The following LRP1B variants were observed in gnomAD, a reference collection of about 807,000 sequenced individuals.
The protein encoded by LRP1B is low-density lipoprotein receptor-related protein 1B.
In LRP1B, 217 loss-of-function variants were observed where a neutral mutation model predicts 556.6. The ratio of observed to expected loss-of-function variants is 0.39; its 90% CI spans 0.35 to 0.44. The LOEUF is 0.44. LRP1B is among the 20% of genes least tolerant of loss of function. The probability of loss-of-function intolerance (pLI) is 1.00; values close to 1 mark genes in which losing one functional copy is unlikely to be tolerated. For missense variants in LRP1B, 5,053 were observed against 5,620.8 expected, an observed-to-expected ratio of 0.90 and a Z score of 3.23; for synonymous variants, 2,047 against 1,865.8, an observed-to-expected ratio of 1.10 and a Z score of -2.50.
chr2:141,426,295 C>A (rs1180212634), intron 3 of LRP1B, among the ~76,000 whole-genome samples: 1 of 151,784 alleles, frequency 6.6e-6, no homozygotes, highest in African/African-American at 2.4e-5. Flanking sequence ...TGTTTTGGTA[C>A]CAGTACCATG....
chr2:140,247,174 C>T lies in LRP1B; in HGVS notation c.13248-12G>A. On this transcript the variant is annotated splice_polypyrimidine_tract_variant and intron_variant, in intron 86 of 90. Transcript: ENST00000389484. ...AGTTGGTGGAGCATCTAAAAATATCCAAACAACAAACAAAACAGATCAGCG... is the reference window on the plus strand; with the variant it reads ...AGTTGGTGGAGCATCTAAAAATATCTAAACAACAAACAAAACAGATCAGCG... 1 of 1,586,302 alleles carries T rather than the reference C, an allele frequency of 6.3e-7. No homozygotes were observed.
chr2:140,707,350 C>T (rs575376556), intron 37 of LRP1B, among the ~76,000 whole-genome samples: 11 of 152,178 alleles, frequency 7.2e-5, no homozygotes, highest in East Asian at 3.9e-4. Context: ...GTCATTGTGT[C>T]GTCTCCTAGC....
In LRP1B at chr2:140,526,324, G is replaced by A. The variant is rs770024168; in HGVS notation, c.7789C>T (p.Arg2597Cys). The A allele has an allele frequency of 8.7e-6, 14 of 1,611,444 alleles. No homozygotes were observed. Among genetic ancestry groups the A allele is most frequent in the African/African-American group, 5.4e-5 (4 of 74,742 alleles). ...GGAATACAAGTCCCATCTGCACAGC[G>A]GAACTCAACCGTGGCACAGGTTGAA... ...KVSTCATVEF[R>C]CADGTCIPRS... Residue 2597 changes from arginine (R) to cysteine (C), a missense_variant, in exon 48 of 91, where the codon CGC (arginine) becomes TGC (cysteine). By Grantham distance (180) the Arg-to-Cys change is radical (BLOSUM62 -3). Coordinates refer to ENST00000389484, the MANE Select transcript of LRP1B (RefSeq NM_018557.3).
At chr2:141,177,044 C>T (rs1680767158) in intron 7 of LRP1B, among the ~76,000 whole-genome samples, 1 of 152,016 alleles carries the variant, frequency 6.6e-6, no homozygotes, top group Non-Finnish European at 1.5e-5. Context: ...CAATATATGA[C>T]TCAGTGACTA....
intron 2 of LRP1B, among the ~76,000 whole-genome samples, chr2:141,606,255 T>G (rs1278540458): frequency 7.2e-5 from 11 of 152,322 alleles, no homozygotes; most frequent in Non-Finnish European, 4.4e-5. Context: ...TTTATCAGAT[T>G]GAACACTGAA....
chr2:141,614,631 A>T (rs1407089504), intron 2 of LRP1B, among the ~76,000 whole-genome samples: 2 of 152,204 alleles, frequency 1.3e-5, no homozygotes, highest in East Asian at 3.9e-4. Context: ...GTAGAATGCC[A>T]TGTGTAGACC....
intron 3 of LRP1B, among the ~76,000 whole-genome samples, chr2:141,255,843 T>C (rs752714236): frequency 1.3e-5 from 2 of 151,808 alleles, no homozygotes; most frequent in Non-Finnish European, 2.9e-5. Context: ...AAAAATCCCA[T>C]CCCCTCTCAC....
chr2:141,097,085 T>C (rs1370743378), intron 7 of LRP1B, among the ~76,000 whole-genome samples: 1 of 152,220 alleles, frequency 6.6e-6, no homozygotes, highest in Admixed American at 6.5e-5. Flanking sequence ...ACTGTGGCTC[T>C]TAATAAATGT....
chr2:140,467,225 A>G (rs1573971287), intron 60 of LRP1B, among the ~76,000 whole-genome samples: 1 of 152,148 alleles, frequency 6.6e-6, no homozygotes, highest in Non-Finnish European at 1.5e-5. Context: ...AAACTCTAAT[A>G]TGCAACTATC....
intron 2 of LRP1B, among the ~76,000 whole-genome samples, chr2:141,563,287 G>T (rs903282241): frequency 3.3e-5 from 5 of 152,026 alleles, no homozygotes; most frequent in Non-Finnish European, 5.9e-5. Context: ...AGATTTGGAA[G>T]AAGTAAGCAC....
At chr2:140,280,179 C>T (rs1028678367) in intron 84 of LRP1B, among the ~76,000 whole-genome samples, 2 of 151,788 alleles carry the variant, frequency 1.3e-5, no homozygotes, top group Admixed American at 6.6e-5. Context: ...TACAGATACA[C>T]AACCACTCAA....
Position 140,322,062 on chromosome 2 carries a change from A to G in LRP1B, c.12541T>C (p.Cys4181Arg). The G allele has an allele frequency of 6.2e-7, 1 of 1,613,128 alleles. No individual in the cohort carries two copies. The highest frequency in any genetic ancestry group is 8.5e-7 in the Non-Finnish European group (1 of 1,179,460). The change falls in exon 82 of 91, where the codon TGC becomes CGC. Residue 4181 changes from cysteine to arginine, a missense_variant. Physicochemically the swap from Cys to Arg is radical, Grantham distance 180. Transcript: ENST00000389484. ...GGATTTAGCAAGCAAAGAAATTCGC[A>G]TGCTAAATCCAAGCATGGATTGGGT... ...DLPNPCLDLA[C>R]EFLCLLNPSG...
intron 66 of LRP1B, among the ~76,000 whole-genome samples, chr2:140,442,039 C>G (rs1034892126): frequency 6.6e-6 from 1 of 151,918 alleles, no homozygotes; most frequent in Non-Finnish European, 1.5e-5. Context: ...CTGTCATCTA[C>G]TAATATGGAA....
At position 140,775,953 on chromosome 2, in the gene LRP1B, T is replaced by C. The variant is rs1002504844; in HGVS notation, c.5500+145A>G. 6 of 632,346 alleles carry C rather than the reference T, an allele frequency of 9.5e-6. No homozygotes were observed. In the African/African-American group the frequency reaches 9.7e-5, roughly 10 times the overall value. The allele number at this position is 632,346 out of a possible 1,614,324, so 39.2% of individuals were successfully genotyped here. On this transcript the variant is annotated intron_variant, in intron 33 of 90. Coordinates refer to ENST00000389484, the MANE Select transcript of LRP1B (RefSeq NM_018557.3). ...GCATCTATATTAAAGACATTTCTCCTACAGTAGTAAGCAACATTTTCCTTT... is the reference window on the plus strand; with the variant it reads ...GCATCTATATTAAAGACATTTCTCCCACAGTAGTAAGCAACATTTTCCTTT...
intron 2 of LRP1B, among the ~76,000 whole-genome samples, chr2:141,528,510 C>A (rs1169870618): frequency 6.6e-6 from 1 of 151,948 alleles, no homozygotes; most frequent in Non-Finnish European, 1.5e-5. Context: ...CAGTCATCAA[C>A]CTTTGAAGGT....
At chr2:140,485,913 G>T (rs1026538454) in intron 58 of LRP1B, among the ~76,000 whole-genome samples, 2 of 149,164 alleles carry the variant, frequency 1.3e-5, no homozygotes, top group Non-Finnish European at 3.0e-5. Flanking sequence ...TCTTTAACCA[G>T]TTTGGGAGAG....
In LRP1B at chr2:140,239,290, TAAAAG is replaced by T. The variant is rs949588453; in HGVS notation, c.13415+147_13415+151del. The T allele has an allele frequency of 9.4e-5, 46 of 490,100 alleles. 2 individuals are homozygous for T. The highest frequency in any genetic ancestry group is 6.8e-4 in the South Asian group (19 of 27,968). The allele number at this position is 490,100 out of a possible 1,614,324, so 30.4% of individuals were successfully genotyped here. A position where few individuals can be genotyped will look rare whatever the true frequency, so the allele number is the denominator to read the frequency against. On this transcript the variant is annotated intron_variant, in intron 88 of 90. Coordinates refer to ENST00000389484, the MANE Select transcript of LRP1B (RefSeq NM_018557.3). ...AAGACTTGTCTAAATTATAATCACT[TAAAAG>T]AGAGGTATAAAATGATTTGAAAAAC...
At chr2:141,828,660 T>G (rs1697013771) in intron 1 of LRP1B, among the ~76,000 whole-genome samples, 1 of 152,066 alleles carries the variant, frequency 6.6e-6, no homozygotes, top group Non-Finnish European at 1.5e-5. Flanking sequence ...ATGCCTTCAA[T>G]CTAGTCAAAG....
intron 24 of LRP1B, among the ~76,000 whole-genome samples, chr2:140,885,374 G>A (rs1291716585): frequency 6.8e-6 from 1 of 146,030 alleles, no homozygotes. Flanking sequence ...TTTTTTTTGA[G>A]ATAAAGTATT....
Sources: gnomAD v4.1 joint callset for allele counts (sites outside exome capture counted in the v4.1 genomes callset) on GRCh38, gnomAD v4.1.1 for gene constraint, MANE v1.5 for transcripts, NCBI Gene and HGNC (gene_info 2026-07-23, HGNC 2026-07-21) for gene names.